The following PLPP1 variants were observed in gnomAD, a reference collection of about 807,000 sequenced individuals.
PLPP1 encodes the protein lipid phosphate phosphohydrolase 1a.
PLPP1 carries 24 observed loss-of-function variants against 31.2 expected under a neutral mutation model. The ratio of observed to expected loss-of-function variants is 0.77; its 90% confidence interval spans 0.56 to 1.08. The LOEUF is 1.08. Ranked by LOEUF, PLPP1 falls within the 50% of genes least tolerant of loss-of-function variation. The pLI, the probability that PLPP1 is intolerant of heterozygous loss-of-function variation, is 0.00. For missense variants in PLPP1, 319 were observed against 342.7 expected (o/e 0.93, Z 0.55); for synonymous variants, 146 against 126.3 (o/e 1.16, Z -1.05).
chr5:55,532,591 T>C (rs967293734), intron 1 of PLPP1, among the ~76,000 whole-genome samples: 4 of 152,204 alleles, frequency 2.6e-5, no homozygotes, highest in African/African-American at 9.7e-5. Flanking sequence ...GAAAGGTAAT[T>C]TTTTGTTGCA....
intron 3 of PLPP1, among the ~76,000 whole-genome samples, chr5:55,449,705 C>G (rs1430728135): frequency 6.6e-6 from 1 of 152,106 alleles, no homozygotes; most frequent in Admixed American, 6.6e-5. Context: ...CAACATGAGG[C>G]ATTTTCTTCA....
intron 1 of PLPP1, among the ~76,000 whole-genome samples, chr5:55,525,916 T>C (rs1423022384): frequency 2.0e-5 from 3 of 152,030 alleles, no homozygotes; most frequent in East Asian, 3.8e-4. Context: ...AATTAGCTGA[T>C]TGTACAGACT....
chr5:55,427,465 T>C (rs961808908), intron 4 of PLPP1, among the ~76,000 whole-genome samples: 1 of 152,346 alleles, frequency 6.6e-6, no homozygotes, highest in East Asian at 1.9e-4. Flanking sequence ...TATTTTTGTT[T>C]GTTGTTCAAG....
At chr5:55,530,705 T>C (rs1740631730) in intron 1 of PLPP1, 2 of 1,578,240 alleles carry the variant, frequency 1.3e-6, no homozygotes, top group Non-Finnish European at 1.7e-6. Flanking sequence ...CTCTCTCTTC[T>C]AGTCACATTT....
At chr5:55,472,761 GA>G (rs1752449563) in intron 2 of PLPP1, among the ~76,000 whole-genome samples, 1 of 4,830 alleles carries the variant, frequency 2.1e-4, no homozygotes, top group Non-Finnish European at 1.0e-3. Context: ...GGAAGAGGAA[GA>G]AGAAGAGGAA....
chr5:55,450,279 T>C (rs1049517763), intron 3 of PLPP1, among the ~76,000 whole-genome samples: 1 of 152,188 alleles, frequency 6.6e-6, no homozygotes, highest in African/African-American at 2.4e-5. Context: ...TCTACAGATA[T>C]TAGGTCATAA....
chr5:55,486,765 T>C (rs765370759), intron 1 of PLPP1, among the ~76,000 whole-genome samples: 1 of 151,546 alleles, frequency 6.6e-6, no homozygotes, highest in African/African-American at 2.4e-5. Context: ...ATACAAAAAT[T>C]AGCAAGGCGT....
intron 2 of PLPP1, among the ~76,000 whole-genome samples, chr5:55,471,213 T>C (rs1452504586): frequency 6.6e-6 from 1 of 151,816 alleles, no homozygotes. Context: ...TTTTTTTTTT[T>C]TTTTTTGAGA....
chr5:55,488,634 A>G (rs1752823593), intron 1 of PLPP1, among the ~76,000 whole-genome samples: 1 of 152,140 alleles, frequency 6.6e-6, no homozygotes, highest in South Asian at 2.1e-4. Context: ...CAACAGAGTG[A>G]GACTCCATCT....
At chr5:55,518,969 T>A (rs1185602531) in intron 1 of PLPP1, among the ~76,000 whole-genome samples, 1 of 152,154 alleles carries the variant, frequency 6.6e-6, no homozygotes, top group Non-Finnish European at 1.5e-5. Flanking sequence ...ACTACTAGAT[T>A]ACACTTTGAA....
intron 1 of PLPP1, among the ~76,000 whole-genome samples, chr5:55,505,790 C>T (rs1561250549): frequency 6.6e-6 from 1 of 152,226 alleles, no homozygotes; most frequent in Non-Finnish European, 1.5e-5. Context: ...GGTGCAGTGG[C>T]TCACGCCTGT....
chr5:55,443,816 G>A (rs1448258099), intron 3 of PLPP1, among the ~76,000 whole-genome samples: 1 of 152,006 alleles, frequency 6.6e-6, no homozygotes, highest in Non-Finnish European at 1.5e-5. Context: ...AAAACAAAGG[G>A]GTAATTCTAT....
At chr5:55,481,406 A>C (rs1579954470) in intron 1 of PLPP1, among the ~76,000 whole-genome samples, 1 of 152,346 alleles carries the variant, frequency 6.6e-6, no homozygotes, top group East Asian at 1.9e-4. Flanking sequence ...CATTGTACGA[A>C]TCTAAAACAT....
chr5:55,505,780 G>A (rs1215283230), intron 1 of PLPP1, among the ~76,000 whole-genome samples: 1 of 152,224 alleles, frequency 6.6e-6, no homozygotes, highest in Non-Finnish European at 1.5e-5. Flanking sequence ...AAAACTGGCT[G>A]GTGCAGTGGC....
chr5:55,467,820 AT>A (rs758918432), intron 3 of PLPP1, 48 bp downstream of exon 3: 3 of 1,530,494 alleles, frequency 2.0e-6, no homozygotes, highest in Non-Finnish European at 2.6e-6. Context: ...GAAACCTTCT[AT>A]TCCAAGAATA....
chr5:55,488,112 T>G (rs1171777231), intron 1 of PLPP1, among the ~76,000 whole-genome samples: 1 of 151,762 alleles, frequency 6.6e-6, no homozygotes, highest in Non-Finnish European at 1.5e-5. Flanking sequence ...TTAAAATATT[T>G]TTCCAGGTCA....
intron 1 of PLPP1, among the ~76,000 whole-genome samples, chr5:55,476,858 A>G (rs1377376500): frequency 2.0e-5 from 3 of 152,222 alleles, no homozygotes; most frequent in Non-Finnish European, 4.4e-5. Flanking sequence ...GAAGCACATG[A>G]AATCACATTT....
At chr5:55,472,147 T>C (rs751834008) in intron 2 of PLPP1, among the ~76,000 whole-genome samples, 7 of 152,140 alleles carry the variant, frequency 4.6e-5, no homozygotes, top group Non-Finnish European at 1.0e-4. Flanking sequence ...CATACATACA[T>C]AAAACCACTG....
chr5:55,425,518 C>G, intron 5 of PLPP1, 184 bp from the exon 6 acceptor site: 1 of 546,484 alleles, frequency 1.8e-6, no homozygotes, highest in South Asian at 3.7e-5. Context: ...TTAAGAGTTG[C>G]TTTGTTATGC....
Sources: allele counts gnomAD v4.1 joint callset (sites outside exome capture counted in the v4.1 genomes callset), GRCh38; gene constraint gnomAD v4.1.1; transcripts MANE v1.5; gene names NCBI Gene and HGNC (gene_info 2026-07-23, HGNC 2026-07-21).